The following SETD5 variants were observed in gnomAD, a reference collection of about 807,000 sequenced individuals.
SETD5 encodes SET domain containing 5.
A neutral mutation model predicts 153.3 loss-of-function variants in SETD5; 44 were observed. That is an observed-to-expected ratio of 0.29 (90% CI 0.23 to 0.37). SETD5 has a LOEUF of 0.37. Ranked by LOEUF, SETD5 falls within the 10% of genes least tolerant of loss-of-function variation. The pLI is 1.00. For missense variants in SETD5, 1,544 were observed against 1,768.0 expected (o/e 0.87, Z 2.27); for synonymous variants, 716 against 645.2 (o/e 1.11, Z -1.66).
At chr3:9,425,727 C>T (rs2039086809) in intron 2 of SETD5, among the ~76,000 whole-genome samples, 1 of 152,012 alleles carries the variant, frequency 6.6e-6, no homozygotes, top group Non-Finnish European at 1.5e-5. Context: ...AGGCATATGC[C>T]AACATGCCCA....
intron 16 of SETD5, 97 bp downstream of exon 16, chr3:9,448,727 CTCTA>C: frequency 8.2e-7 from 1 of 1,213,176 alleles, no homozygotes. Context: ...ATAAAATGTT[CTCTA>C]GATAGCCACT....
intron 3 of SETD5, chr3:9,430,843 C>T (rs756860887): frequency 2.7e-5 from 27 of 985,230 alleles, no homozygotes; most frequent in African/African-American, 8.7e-5. Flanking sequence ...AATGTGACTG[C>T]GCTGTCTCTG....
intron 16 of SETD5, among the ~76,000 whole-genome samples, chr3:9,450,285 T>C (rs2042467172): frequency 6.6e-6 from 1 of 152,224 alleles, no homozygotes; most frequent in South Asian, 2.1e-4. Context: ...TATCTGACTA[T>C]CCTTAATCTC....
At chr3:9,398,193 C>T (rs1399839190) in intron 1 of SETD5, 1 of 151,490 alleles carries the variant, frequency 6.6e-6, no homozygotes, top group African/African-American at 2.4e-5. Flanking sequence ...CCCCTCTAAT[C>T]TAGGCGACCC....
chr3:9,467,458 C>A (rs961557928), intron 18 of SETD5, among the ~76,000 whole-genome samples: 5 of 152,034 alleles, frequency 3.3e-5, no homozygotes, highest in Admixed American at 2.0e-4. Context: ...CCTATTCTTG[C>A]CCTGAGAGCC....
intron 1 of SETD5, among the ~76,000 whole-genome samples, chr3:9,411,614 T>C (rs1575203608): frequency 6.6e-6 from 1 of 152,232 alleles, no homozygotes; most frequent in African/African-American, 2.4e-5. Context: ...AATAATACTT[T>C]TCTCCTAAAC....
chr3:9,433,784 T>TA (rs768956981), intron 3 of SETD5, 61 bp from the exon 4 acceptor site: 3 of 1,506,692 alleles, frequency 2.0e-6, no homozygotes, highest in Non-Finnish European at 2.8e-6. Context: ...GGAAATGAAG[T>TA]GTTAGTTTAA....
In SETD5 at chr3:9,477,644, A is replaced by T. The variant is rs2045923037; in HGVS notation, c.*1553A>T. 1 of 151,448 alleles carries T rather than the reference A, an allele frequency of 6.6e-6. No individual in the cohort carries two copies. Among genetic ancestry groups the T allele is most frequent in the African/African-American group, 2.4e-5 (1 of 41,078 alleles). 9.4% of individuals were successfully genotyped at this position (151,448 alleles called of 1,614,324 possible). ...GACTGTTACAAAATTTCACTTTTCA[A>T]AATCGAAATCAGGTGTTTGCTCAAA... On this transcript the variant is annotated 3_prime_UTR_variant, in exon 23 of 23. Coordinates refer to ENST00000402198, the MANE Select transcript of SETD5 (RefSeq NM_001080517.3).
chr3:9,436,796 G>A, intron 7 of SETD5: 1 of 1,493,444 alleles, frequency 6.7e-7, no homozygotes, highest in African/African-American at 1.4e-5. Flanking sequence ...AGGTATAACT[G>A]TCATTCTTGG....
intron 16 of SETD5, 37 bp downstream of exon 16, chr3:9,448,667 T>A (rs1244636021): frequency 6.8e-7 from 1 of 1,466,650 alleles, no homozygotes; most frequent in Non-Finnish European, 9.1e-7. Context: ...TGTGTTTATG[T>A]GTGTGTGCTT....
intron 11 of SETD5, among the ~76,000 whole-genome samples, chr3:9,444,628 C>T (rs1034341145): frequency 2.6e-5 from 4 of 151,916 alleles, no homozygotes; most frequent in Non-Finnish European, 4.4e-5. Context: ...CGGTGACTGA[C>T]GCCTGTAATC....
At chr3:9,451,631 C>T (rs7631372) in intron 16 of SETD5, among the ~76,000 whole-genome samples, 18,806 of 152,038 alleles carry the variant, frequency 0.12, 1,471 homozygotes, top group Non-Finnish European at 0.18. Context: ...TTTTTTGTAG[C>T]GACAGGGTTT....
rs1220712740 is a variant in SETD5, at chr3:9,477,621, CTG to C, written c.*1532_*1533del. ...CACAGTCTTCTCTCTTTGTGTGTGA[CTG>C]TTACAAAATTTCACTTTTCAAAATC... On this transcript the variant is annotated 3_prime_UTR_variant, in exon 23 of 23. Transcript: ENST00000402198. The C allele has an allele frequency of 1.3e-5, 2 of 151,850 alleles. No homozygotes were observed. 9.4% of individuals were successfully genotyped at this position (151,850 alleles called of 1,614,324 possible).
At chr3:9,426,126 T>C (rs2039163312) in intron 2 of SETD5, 1 of 148,350 alleles carries the variant, frequency 6.7e-6, no homozygotes, top group Admixed American at 6.8e-5. Flanking sequence ...GAAGATGTAC[T>C]GCCAAGGTCT....
intron 2 of SETD5, among the ~76,000 whole-genome samples, chr3:9,424,952 A>T (rs2038924249): frequency 6.6e-6 from 1 of 151,534 alleles, no homozygotes; most frequent in Non-Finnish European, 1.5e-5. Context: ...CTAACCTATT[A>T]TGGTTGCTTT....
intron 17 of SETD5, among the ~76,000 whole-genome samples, chr3:9,463,492 A>T (rs539743864): frequency 6.6e-6 from 1 of 152,352 alleles, no homozygotes; most frequent in African/African-American, 2.4e-5. Flanking sequence ...AGGTGCTTTG[A>T]CCTAAATGGT....
chr3:9,470,312 C>G, intron 18 of SETD5, 147 bp from the exon 19 acceptor site: 1 of 668,244 alleles, frequency 1.5e-6, no homozygotes, highest in South Asian at 1.9e-5. Context: ...CTACGTGGGA[C>G]TTTTACAGAA....
intron 1 of SETD5, among the ~76,000 whole-genome samples, chr3:9,420,979 A>G (rs966557342): frequency 6.6e-6 from 1 of 152,194 alleles, no homozygotes; most frequent in Non-Finnish European, 1.5e-5. Flanking sequence ...ACATATACTT[A>G]AAGGGACCAG....
intron 9 of SETD5, 28 bp downstream of exon 9, chr3:9,441,769 G>A (rs376410855): frequency 1.7e-4 from 274 of 1,613,642 alleles, no homozygotes; most frequent in Non-Finnish European, 2.2e-4. Flanking sequence ...TGAGCAGTGA[G>A]GGCTAAGGTG....
Sources: allele counts gnomAD v4.1 joint callset (sites outside exome capture counted in the v4.1 genomes callset), GRCh38; gene constraint gnomAD v4.1.1; transcripts MANE v1.5; gene names NCBI Gene and HGNC (gene_info 2026-07-23, HGNC 2026-07-21).